FBXO38: variants seen among roughly 807,000 people sequenced by gnomAD.
FBXO38 encodes the protein F-box protein 38.
In FBXO38, 53 loss-of-function variants were observed where a neutral mutation model predicts 131.9. The observed-to-expected ratio is 0.40, with a 90% CI of 0.32 to 0.51. The LOEUF (loss-of-function observed/expected upper bound fraction) is 0.51, where lower values mean the gene tolerates loss of function less well. FBXO38 is among the 20% of genes least tolerant of loss of function. The pLI, the probability that FBXO38 is intolerant of heterozygous loss-of-function variation, is 0.53. For synonymous variants in FBXO38, 452 were observed against 505.6 expected (o/e 0.89, Z 1.42); for missense variants, 1,076 against 1,475.6 (o/e 0.73, Z 4.44).
intron 12 of FBXO38, among the ~76,000 whole-genome samples, chr5:148,423,104 T>A (rs1753533069): frequency 6.6e-6 from 1 of 152,228 alleles, no homozygotes; most frequent in African/African-American, 2.4e-5. Flanking sequence ...AGTTGTTTCT[T>A]GTCTGTGTTC....
At position 148,402,566 on chromosome 5, in the gene FBXO38, T is replaced by C. The variant is rs1488280419; in HGVS notation, c.592+53T>C. The C allele has an allele frequency of 1.0e-5, 14 of 1,367,328 alleles. No homozygotes were observed. The South Asian group carries it at 2.0e-4, about 20-fold the overall frequency. 84.7% of individuals were successfully genotyped at this position (1,367,328 alleles called of 1,614,324 possible). On this transcript the variant is annotated intron_variant, in intron 5 of 21. Transcript: ENST00000340253. The stretch of plus-strand genomic sequence containing the variant: ...TAACTCCTTGAAATGCCATAAAATG[T>C]GAATATTCACTGAAAAAGAATAATG...
intron 7 of FBXO38, among the ~76,000 whole-genome samples, chr5:148,407,880 G>A (rs1053605709): frequency 6.6e-6 from 1 of 151,718 alleles, no homozygotes; most frequent in Non-Finnish European, 1.5e-5. Context: ...AGCCTAGATC[G>A]CACCACTGCA....
rs4639213 is a variant in FBXO38 at position 148,405,076 on chromosome 5, C to G, written c.730+254C>G. ...TTTTTACGGGTACTTTTTACTTTTC[C>G]TAGGATTGTTTTATTAAATTTCAGT... On this transcript the variant is annotated intron_variant, in intron 6 of 21. Transcript: ENST00000340253. Among the ~76,000 whole-genome samples the G allele has an allele frequency of 0.42, 63,555 of 150,732 alleles. 15,767 individuals are homozygous for G. Among genetic ancestry groups the G allele is most frequent in the African/African-American group, 0.69 (28,445 of 41,274 alleles).
chr5:148,415,062 C>T (rs1041568117), intron 10 of FBXO38, among the ~76,000 whole-genome samples: 1 of 152,142 alleles, frequency 6.6e-6, no homozygotes, highest in African/African-American at 2.4e-5. Flanking sequence ...GGGACCTCTG[C>T]TGAGATCACT....
intron 8 of FBXO38, 142 bp from the exon 9 acceptor site, chr5:148,410,493 C>T (rs996000145): frequency 5.9e-6 from 6 of 1,008,780 alleles, no homozygotes; most frequent in Admixed American, 5.0e-5. Flanking sequence ...ACTGTGAGTC[C>T]ATTAAAACCT....
chr5:148,438,305 G>A (rs1375556048), intron 17 of FBXO38, 27 bp from the exon 18 acceptor site: 1 of 1,611,644 alleles, frequency 6.2e-7, no homozygotes, highest in African/African-American at 1.3e-5. Flanking sequence ...GATATGTACG[G>A]AGCTTACCAT....
intron 9 of FBXO38, among the ~76,000 whole-genome samples, chr5:148,411,342 A>C (rs1752740131): frequency 6.6e-6 from 1 of 152,198 alleles, no homozygotes; most frequent in East Asian, 1.9e-4. Context: ...AATGCATGTC[A>C]ATTCATTACT....
chr5:148,408,122 C>T (rs183285186), intron 7 of FBXO38, among the ~76,000 whole-genome samples: 66 of 152,204 alleles, frequency 4.3e-4, no homozygotes, highest in Non-Finnish European at 7.6e-4. Context: ...CATGAAAAAA[C>T]GATAAAAGTT....
chr5:148,397,141 T>A (rs1758522425), intron 2 of FBXO38, among the ~76,000 whole-genome samples: 1 of 152,176 alleles, frequency 6.6e-6, no homozygotes, highest in Admixed American at 6.6e-5. Context: ...ATTTGAGGAT[T>A]CATTGTGGTG....
At position 148,404,837 on chromosome 5, in the gene FBXO38, T is replaced by G; in HGVS notation, c.730+15T>G. 3 of 1,578,008 alleles carry G rather than the reference T, an allele frequency of 1.9e-6. No homozygotes were observed. Among genetic ancestry groups the G allele is most frequent in the East Asian group, 2.3e-5 (1 of 43,624 alleles). ...GAACTGTGCAGGTAATGGTACACAATTATGGTGGAATTAAACATAAGTTAT... is the reference window on the plus strand; with the variant it reads ...GAACTGTGCAGGTAATGGTACACAAGTATGGTGGAATTAAACATAAGTTAT... On this transcript the variant is annotated intron_variant, in intron 6 of 21. Transcript: ENST00000340253.
chr5:148,433,809 G>C (rs1028910892), intron 17 of FBXO38, 72 bp downstream of exon 17: 4 of 770,224 alleles, frequency 5.2e-6, no homozygotes, highest in Non-Finnish European at 8.6e-6. Context: ...CATAAATACT[G>C]TAATAGCATT....
chr5:148,442,274 A>G lies in FBXO38; in HGVS notation c.*127A>G, dbSNP rs887734362. The G allele has an allele frequency of 1.5e-5, 10 of 670,080 alleles. No individual in the cohort carries two copies. The highest frequency in any genetic ancestry group is 5.8e-5 in the Admixed American group (2 of 34,462). The allele number at this position is 670,080 out of a possible 1,614,324, so 41.5% of individuals were successfully genotyped here. ...TGGCTCGGTTTGCTATATAGGGAAT[A>G]TATAAGGAACATCGAAATTGTATAC... is the stretch of plus-strand genomic sequence containing the variant. On this transcript the variant is annotated 3_prime_UTR_variant, in exon 22 of 22. Coordinates refer to ENST00000340253, the MANE Select transcript of FBXO38 (RefSeq NM_205836.3).
intron 17 of FBXO38, among the ~76,000 whole-genome samples, 196 bp from the exon 18 acceptor site, chr5:148,438,136 T>C (rs1031383502): frequency 1.3e-5 from 2 of 152,224 alleles, no homozygotes; most frequent in South Asian, 2.1e-4. Context: ...AAAGGCACTT[T>C]AATGCCCCTT....
At chr5:148,404,209 C>G (rs1752316073) in intron 5 of FBXO38, among the ~76,000 whole-genome samples, 1 of 152,188 alleles carries the variant, frequency 6.6e-6, no homozygotes. Flanking sequence ...TTCCAGATAT[C>G]TATTTGCATA....
At chr5:148,426,073 T>G (rs143242676) in intron 14 of FBXO38, among the ~76,000 whole-genome samples, 4 of 152,298 alleles carry the variant, frequency 2.6e-5, no homozygotes, top group African/African-American at 9.6e-5. Context: ...TGTCCAGTTG[T>G]GCTTAATGAA....
chr5:148,408,835 C>G (rs866012630), intron 7 of FBXO38, among the ~76,000 whole-genome samples: 1 of 152,184 alleles, frequency 6.6e-6, no homozygotes, highest in South Asian at 2.1e-4. Flanking sequence ...TTACAATTCT[C>G]TCATCAGCTT....
intron 13 of FBXO38, among the ~76,000 whole-genome samples, chr5:148,424,584 G>A (rs1483227963): frequency 2.6e-5 from 4 of 152,070 alleles, no homozygotes; most frequent in African/African-American, 7.2e-5. Context: ...AGATTAACTC[G>A]CATAGCCTTT....
intron 19 of FBXO38, 66 bp from the exon 20 acceptor site, chr5:148,440,358 C>A: frequency 1.0e-6 from 1 of 975,636 alleles, no homozygotes; most frequent in Non-Finnish European, 1.6e-6. Context: ...TTGATGGTTC[C>A]TTCCTACCCG....
chr5:148,395,300 A>T (rs1351468749), intron 2 of FBXO38, among the ~76,000 whole-genome samples: 4 of 152,114 alleles, frequency 2.6e-5, no homozygotes, highest in African/African-American at 9.7e-5. Flanking sequence ...ACTTTTTCTG[A>T]CTACAACCCA....
Sources: gnomAD v4.1 joint callset for allele counts (sites outside exome capture counted in the v4.1 genomes callset) on GRCh38, gnomAD v4.1.1 for gene constraint, MANE v1.5 for transcripts, NCBI Gene and HGNC (gene_info 2026-07-23, HGNC 2026-07-21) for gene names.